RSRC1: variants seen among roughly 807,000 people sequenced by gnomAD.
RSRC1 encodes arginine and serine rich coiled-coil 1.
A neutral mutation model predicts 49.1 loss-of-function variants in RSRC1; 39 were observed. The observed-to-expected ratio is 0.79, with a 90% CI of 0.61 to 1.04. The LOEUF is 1.04. RSRC1 is among the 50% of genes least tolerant of loss of function. RSRC1 has a pLI of 0.00. For synonymous variants in RSRC1, 143 were observed against 130.8 expected, an observed-to-expected ratio of 1.09 and a Z score of -0.63; for missense variants, 388 against 402.4, an observed-to-expected ratio of 0.96 and a Z score of 0.31.
intron 3 of RSRC1, among the ~76,000 whole-genome samples, chr3:158,195,362 A>G (rs1410199722): frequency 2.2e-5 from 3 of 139,054 alleles, no homozygotes; most frequent in Non-Finnish European, 4.6e-5. Flanking sequence ...TTTTTCTTGT[A>G]AATTTGTTTG....
At chr3:158,483,934 C>T (rs1355646737) in intron 7 of RSRC1, among the ~76,000 whole-genome samples, 4 of 152,040 alleles carry the variant, frequency 2.6e-5, no homozygotes, top group Non-Finnish European at 5.9e-5. Context: ...ACTCTGAGAC[C>T]TTTTCCTTTT....
At chr3:158,465,904 A>G (rs1737865357) in intron 7 of RSRC1, among the ~76,000 whole-genome samples, 1 of 152,146 alleles carries the variant, frequency 6.6e-6, no homozygotes, top group Non-Finnish European at 1.5e-5. Flanking sequence ...GCTTCATTGC[A>G]TATTTTTCCT....
chr3:158,258,208 C>CTTTTTTTTT (rs71144451), intron 4 of RSRC1, among the ~76,000 whole-genome samples: 8 of 65,776 alleles, frequency 1.2e-4, no homozygotes, highest in Admixed American at 2.1e-4. Flanking sequence ...TCCTTTTAAC[C>CTTTTTTTTT]TTTTTTTTTT....
At position 158,350,712 on chromosome 3, in the gene RSRC1, A is replaced by T. The variant is rs576811849; in HGVS notation, c.532-4145A>T. Among the ~76,000 whole-genome samples, 5 of 152,162 alleles carry T rather than the reference A, an allele frequency of 3.3e-5. No homozygotes were observed. The East Asian group carries it at 5.8e-4, about 18-fold the overall frequency. ...GCTCTTAAACATGTCCCCATTTAAAATTTTTTTTGAGAAATTGCTATATTC... is the reference window on the plus strand; with the variant it reads ...GCTCTTAAACATGTCCCCATTTAAATTTTTTTTTGAGAAATTGCTATATTC... On this transcript the variant is annotated intron_variant, in intron 5 of 9. Coordinates refer to ENST00000611884, the MANE Select transcript of RSRC1 (RefSeq NM_001271838.2).
At chr3:158,287,528 A>C in intron 4 of RSRC1, among the ~76,000 whole-genome samples, 1 of 152,150 alleles carries the variant, frequency 6.6e-6, no homozygotes, top group Non-Finnish European at 1.5e-5. Context: ...CCCCAGTTTT[A>C]TTTATAAGGA....
At chr3:158,166,973 A>G (rs4396839) in intron 3 of RSRC1, among the ~76,000 whole-genome samples, 95,794 of 151,928 alleles carry the variant, frequency 0.63, 30,827 homozygotes, top group East Asian at 0.73. Context: ...GGAAATGCTC[A>G]TCTTGTTTTT....
chr3:158,299,454 C>G (rs1727412589), intron 5 of RSRC1, among the ~76,000 whole-genome samples: 3 of 151,972 alleles, frequency 2.0e-5, no homozygotes, highest in Non-Finnish European at 4.4e-5. Flanking sequence ...CTGCCTCAGC[C>G]TCCCAGTATT....
At chr3:158,423,890 T>G (rs200679663) in intron 6 of RSRC1, among the ~76,000 whole-genome samples, 31,906 of 150,388 alleles carry the variant, frequency 0.21, 3,899 homozygotes, top group Non-Finnish European at 0.28. Context: ...TATTGGTGTA[T>G]AAGAATGCTT....
At chr3:158,298,705 G>A (rs533885248) in intron 5 of RSRC1, among the ~76,000 whole-genome samples, 1 of 152,234 alleles carries the variant, frequency 6.6e-6, no homozygotes, top group South Asian at 2.1e-4. Flanking sequence ...TGAGCCCACT[G>A]TATTGAGTGT....
chr3:158,295,266 G>A (rs77202627), intron 4 of RSRC1, among the ~76,000 whole-genome samples: 1 of 42,782 alleles, frequency 2.3e-5, no homozygotes, highest in Non-Finnish European at 4.4e-5. Context: ...TTTTAGGTAG[G>A]GGTGAAAGTG....
At position 158,545,416 on chromosome 3, in the gene RSRC1, T is replaced by C; in HGVS notation, c.*1141T>C. On this transcript the variant is annotated 3_prime_UTR_variant, in exon 10 of 10. Coordinates refer to ENST00000611884, the MANE Select transcript of RSRC1 (RefSeq NM_001271838.2). ...TGGGGTTTCACCATTTTAGCCAGGA[T>C]GGTCTATTTTCTTCTGTTGTCCAGT... The C allele has an allele frequency of 6.6e-6, 1 of 152,034 alleles. No individual in the cohort carries two copies. The highest frequency in any genetic ancestry group is 1.9e-4 in the East Asian group (1 of 5,168). The allele number at this position is 152,034 out of a possible 1,614,324, so 9.4% of individuals were successfully genotyped here. A position where few individuals can be genotyped will look rare whatever the true frequency, so the allele number is the denominator to read the frequency against.
intron 4 of RSRC1, among the ~76,000 whole-genome samples, chr3:158,208,684 AT>A (rs367772284): frequency 9.9e-4 from 150 of 152,256 alleles, no homozygotes; most frequent in African/African-American, 3.6e-3. Context: ...GATCATTACA[AT>A]TTTTATAAGG....
intron 7 of RSRC1, among the ~76,000 whole-genome samples, chr3:158,489,389 A>C (rs1023897288): frequency 2.0e-5 from 3 of 152,200 alleles, no homozygotes; most frequent in Admixed American, 6.5e-5. Context: ...TGGCTCAACC[A>C]CCTGGTGTGG....
chr3:158,165,558 G>A (rs184015664), intron 3 of RSRC1, among the ~76,000 whole-genome samples: 54 of 152,332 alleles, frequency 3.5e-4, no homozygotes, highest in Admixed American at 1.4e-3. Context: ...GGCTGGCGCC[G>A]TTAATCAATT....
chr3:158,257,443 T>C (rs1031207621), intron 4 of RSRC1, among the ~76,000 whole-genome samples: 1 of 152,226 alleles, frequency 6.6e-6, no homozygotes, highest in Non-Finnish European at 1.5e-5. Context: ...TTTTGTCTGA[T>C]ATACATATGG....
At position 158,199,636 on chromosome 3, in the gene RSRC1, A is replaced by G. The variant is rs56147246; in HGVS notation, c.321-3436A>G. 7.8e-3 allele frequency among the ~76,000 whole-genome samples: 1,184 copies of G among 152,296 alleles called. 16 individuals carry two copies. Among genetic ancestry groups the G allele is most frequent in the African/African-American group, 0.028 (1,147 of 41,570 alleles). Reference sequence around the variant, plus strand: ...TTTTAGATATTTCTTCTTTTCTAGTATAAACATTTAAAACTATAAATTTCT... The same window carrying G: ...TTTTAGATATTTCTTCTTTTCTAGTGTAAACATTTAAAACTATAAATTTCT... On this transcript the variant is annotated intron_variant, in intron 3 of 9. Coordinates refer to ENST00000611884, the MANE Select transcript of RSRC1 (RefSeq NM_001271838.2).
At chr3:158,288,835 G>C (rs73874361) in intron 4 of RSRC1, among the ~76,000 whole-genome samples, 2,049 of 23,780 alleles carry the variant, frequency 0.086, 6 homozygotes, top group African/African-American at 0.097. Context: ...CACGTTCCCC[G>C]CCCCCCCCCC....
At chr3:158,267,232 T>G (rs1725240477) in intron 4 of RSRC1, among the ~76,000 whole-genome samples, 1 of 152,220 alleles carries the variant, frequency 6.6e-6, no homozygotes, top group Non-Finnish European at 1.5e-5. Flanking sequence ...ATTGTTCCAG[T>G]ATATACTGCA....
At chr3:158,124,851 C>T (rs759785599) in intron 3 of RSRC1, among the ~76,000 whole-genome samples, 12 of 135,720 alleles carry the variant, frequency 8.8e-5, no homozygotes, top group Non-Finnish European at 1.4e-4. Context: ...TGAGGTGTTG[C>T]TCTGTCACCT....
Sources: gnomAD v4.1 joint callset for allele counts (sites outside exome capture counted in the v4.1 genomes callset) on GRCh38, gnomAD v4.1.1 for gene constraint, MANE v1.5 for transcripts, NCBI Gene and HGNC (gene_info 2026-07-23, HGNC 2026-07-21) for gene names.